Variants in DCHS2 observed in about 807,000 individuals in gnomAD.
DCHS2 encodes protocadherin-23.
In DCHS2, 142 loss-of-function variants were observed where a neutral mutation model predicts 182.4. The ratio of observed to expected loss-of-function variants is 0.78; its 90% confidence interval spans 0.68 to 0.89. The LOEUF (loss-of-function observed/expected upper bound fraction) is 0.89, where lower values mean the gene tolerates loss of function less well. DCHS2 is among the 40% of genes least tolerant of loss of function. The probability of loss-of-function intolerance (pLI) is 0.00; values close to 1 mark genes in which losing one functional copy is unlikely to be tolerated. For missense variants in DCHS2, 4,319 were observed against 4,198.6 expected, an observed-to-expected ratio of 1.03 and a Z score of -0.79; for synonymous variants, 1,740 against 1,663.3, an observed-to-expected ratio of 1.05 and a Z score of -1.12.
intron 2 of DCHS2, among the ~76,000 whole-genome samples, chr4:154,368,609 C>T (rs1327552085): frequency 2.0e-5 from 3 of 151,912 alleles, no homozygotes; most frequent in East Asian, 1.9e-4. Context: ...CTGCGCCTCC[C>T]GGGTTCAAGT....
intron 2 of DCHS2, among the ~76,000 whole-genome samples, chr4:154,371,849 G>A (rs4696551): frequency 0.84 from 127,027 of 151,904 alleles, 53,234 homozygotes; most frequent in South Asian, 0.92. Flanking sequence ...AACAGTACCG[G>A]AGGGGGATGG....
intron 3 of DCHS2, among the ~76,000 whole-genome samples, chr4:154,350,412 T>A (rs73854717): frequency 0.012 from 1,759 of 152,240 alleles, 33 homozygotes; most frequent in African/African-American, 0.04. Context: ...TAGTTTTTTT[T>A]AAATTTTTTT....
Position 154,489,679 on chromosome 4 carries a change from C to T in DCHS2, c.1677G>A (p.Met559Ile). The change falls in exon 1 of 20, where the codon ATG becomes ATA. Residue 559 changes from methionine to isoleucine, a missense_variant. Physicochemically the swap from Met to Ile is conservative, Grantham distance 10. Transcript: ENST00000357232. The part of the protein sequence containing the change: ...SEAAAPGTVV[M>I]WVSASDADEA... Reference sequence around the variant, plus strand: ...CGTCGGCATCGGAGGCGCTGACCCACATGACTACAGTGCCAGGGGCCGCGG... The same window carrying T: ...CGTCGGCATCGGAGGCGCTGACCCATATGACTACAGTGCCAGGGGCCGCGG... 3 of 1,551,696 alleles carry T rather than the reference C, an allele frequency of 1.9e-6. No homozygotes were observed. Among genetic ancestry groups the T allele is most frequent in the Non-Finnish European group, 1.7e-6 (2 of 1,146,968 alleles).
chr4:154,363,032 G>A (rs1403001841), intron 3 of DCHS2, among the ~76,000 whole-genome samples: 3 of 152,320 alleles, frequency 2.0e-5, no homozygotes, highest in South Asian at 2.1e-4. Context: ...TGGAGGGTTA[G>A]CATCTCTACC....
At chr4:154,428,117 A>G (rs1012437939) in intron 1 of DCHS2, among the ~76,000 whole-genome samples, 1 of 152,178 alleles carries the variant, frequency 6.6e-6, no homozygotes, top group African/African-American at 2.4e-5. Context: ...AGAGTAACTT[A>G]ATTTGGTAGA....
At chr4:154,341,198 C>A (rs1265749389) in intron 3 of DCHS2, among the ~76,000 whole-genome samples, 4 of 152,048 alleles carry the variant, frequency 2.6e-5, no homozygotes, top group African/African-American at 9.6e-5. Flanking sequence ...GAAACTCCGT[C>A]TCTCCTAAAA....
intron 3 of DCHS2, among the ~76,000 whole-genome samples, chr4:154,358,349 T>C (rs1579004539): frequency 6.6e-6 from 1 of 152,148 alleles, no homozygotes; most frequent in East Asian, 1.9e-4. Flanking sequence ...TTTTCCAGCA[T>C]TGTCTTTGGA....
At chr4:154,276,757 T>A (rs1733871002) in intron 13 of DCHS2, among the ~76,000 whole-genome samples, 1 of 152,198 alleles carries the variant, frequency 6.6e-6, no homozygotes, top group Admixed American at 6.5e-5. Context: ...CAAGAACATA[T>A]GTTCCAAAAA....
chr4:154,402,898 C>T (rs1321505969), intron 1 of DCHS2, among the ~76,000 whole-genome samples: 1 of 152,126 alleles, frequency 6.6e-6, no homozygotes, highest in Admixed American at 6.5e-5. Context: ...AGTCCTCGTG[C>T]ATTTTATTAA....
At chr4:154,328,326 A>T (rs971913130) in intron 6 of DCHS2, 134 bp from the exon 7 acceptor site, 4 of 558,674 alleles carry the variant, frequency 7.2e-6, no homozygotes, top group Non-Finnish European at 1.2e-5. Flanking sequence ...ATTCAAATGC[A>T]TACCATGTAA....
At chr4:154,381,369 A>C (rs1011752170) in intron 1 of DCHS2, among the ~76,000 whole-genome samples, 5 of 152,094 alleles carry the variant, frequency 3.3e-5, no homozygotes, top group African/African-American at 1.2e-4. Flanking sequence ...AGATTTAAAT[A>C]ATTTTTATCA....
At chr4:154,443,688 C>T (rs866640197) in intron 1 of DCHS2, among the ~76,000 whole-genome samples, 1 of 152,190 alleles carries the variant, frequency 6.6e-6, no homozygotes, top group Non-Finnish European at 1.5e-5. Flanking sequence ...TCATAGGCAT[C>T]ATCAATTGTT....
At chr4:154,371,038 GA>G (rs1730619936) in intron 2 of DCHS2, among the ~76,000 whole-genome samples, 1 of 152,264 alleles carries the variant, frequency 6.6e-6, no homozygotes, top group East Asian at 1.9e-4. Context: ...AATTACTGGT[GA>G]CAATCCTTGG....
chr4:154,364,327 G>T (rs528545307), intron 3 of DCHS2, among the ~76,000 whole-genome samples: 1 of 152,182 alleles, frequency 6.6e-6, no homozygotes, highest in Non-Finnish European at 1.5e-5. Context: ...ACTGAATGAC[G>T]AGTGTGTGAA....
chr4:154,427,032 G>C (rs1240408478), intron 1 of DCHS2, among the ~76,000 whole-genome samples: 1 of 152,090 alleles, frequency 6.6e-6, no homozygotes, highest in Non-Finnish European at 1.5e-5. Context: ...AGTGATTCAT[G>C]AATGTTTCAC....
chr4:154,309,080 T>C (rs1459334221), intron 10 of DCHS2, among the ~76,000 whole-genome samples: 1 of 152,224 alleles, frequency 6.6e-6, no homozygotes, highest in African/African-American at 2.4e-5. Flanking sequence ...CTTGCTATAT[T>C]CTTATCGCAC....
Position 154,329,567 on chromosome 4 carries a change from G to C in DCHS2, c.3874C>G (p.Pro1292Ala). 6.2e-7 allele frequency: 1 copy of C among 1,613,676 alleles called. No individual in the cohort carries two copies. The highest frequency in any genetic ancestry group is 8.5e-7 in the Non-Finnish European group (1 of 1,179,912). ...CCAGGGAGACACTGGGGGAAGAAGG[G>C]CCTGTTATCATTGATGTCAGTAACT... ...VSVTDINDNRPFFPQCLPGKE... is the reference protein window; with the variant it reads ...VSVTDINDNRAFFPQCLPGKE... Residue 1292 changes from proline (P) to alanine (A), a missense_variant, in exon 6 of 20, where the codon CCC (proline) becomes GCC (alanine). Physicochemically the swap from Pro to Ala is conservative, Grantham distance 27. Transcript: ENST00000357232.
chr4:154,436,608 C>T (rs1579081399), intron 1 of DCHS2, among the ~76,000 whole-genome samples: 1 of 152,120 alleles, frequency 6.6e-6, no homozygotes, highest in Non-Finnish European at 1.5e-5. Context: ...GTGATATATA[C>T]ATATACAATA....
At chr4:154,259,933 C>T (rs939847765) in intron 14 of DCHS2, among the ~76,000 whole-genome samples, 177 bp from the exon 15 acceptor site, 1 of 152,132 alleles carries the variant, frequency 6.6e-6, no homozygotes, top group African/African-American at 2.4e-5. Flanking sequence ...AGCGATTCTC[C>T]TGCCTCAGCC....
Sources: gnomAD v4.1 joint callset for allele counts (sites outside exome capture counted in the v4.1 genomes callset) on GRCh38, gnomAD v4.1.1 for gene constraint, MANE v1.5 for transcripts, NCBI Gene and HGNC (gene_info 2026-07-23, HGNC 2026-07-21) for gene names.